ADAMTS19: variants seen among roughly 807,000 people sequenced by gnomAD.
The protein encoded by ADAMTS19 is ADAM metallopeptidase with thrombospondin type 1 motif 19, also known as A disintegrin and metalloproteinase with thrombospondin motifs 19.
ADAMTS19 carries 93 observed loss-of-function variants against 153.3 expected under a neutral mutation model. The observed-to-expected ratio is 0.61, with a 90% CI of 0.51 to 0.72. The LOEUF (loss-of-function observed/expected upper bound fraction) is 0.72, where lower values mean the gene tolerates loss of function less well. Ranked by LOEUF, ADAMTS19 falls within the 30% of genes least tolerant of loss-of-function variation. ADAMTS19 has a pLI of 0.00. For missense variants in ADAMTS19, 1,482 were observed against 1,552.1 expected (o/e 0.95, Z 0.76); for synonymous variants, 600 against 556.6 (o/e 1.08, Z -1.10).
At chr5:129,535,224 T>C (rs1482035048) in intron 6 of ADAMTS19, among the ~76,000 whole-genome samples, 1 of 152,154 alleles carries the variant, frequency 6.6e-6, no homozygotes, top group Non-Finnish European at 1.5e-5. Context: ...ATTCTCAGGA[T>C]ACAAAATCAA....
rs866047408 is a variant in ADAMTS19, at chr5:129,523,646, G to A, written c.914-2638G>A. On this transcript the variant is annotated intron_variant, in intron 3 of 22. Transcript: ENST00000274487. ...TTATTGAAGCACCATGTGCATACAG[G>A]AAATTGCAGAAACAGTATGTTCAAC... is the stretch of plus-strand genomic sequence containing the variant. Among the ~76,000 whole-genome samples the A allele has an allele frequency of 2.0e-5, 3 of 152,132 alleles. 1 individual carries two copies. In the South Asian group the frequency reaches 6.2e-4, roughly 31 times the overall value.
intron 21 of ADAMTS19, among the ~76,000 whole-genome samples, chr5:129,720,146 A>T (rs1227460949): frequency 5.0e-5 from 6 of 119,264 alleles, no homozygotes; most frequent in Non-Finnish European, 8.4e-5. Context: ...GTATGTGTGT[A>T]TGTATATATA....
intron 6 of ADAMTS19, among the ~76,000 whole-genome samples, chr5:129,533,603 G>A (rs1752294496): frequency 6.6e-6 from 1 of 152,096 alleles, no homozygotes; most frequent in Middle Eastern, 3.4e-3. Context: ...CTTCAGTTCT[G>A]CTCTGATCTT....
chr5:129,663,661 C>T (rs1255158126), intron 15 of ADAMTS19, among the ~76,000 whole-genome samples: 1 of 152,150 alleles, frequency 6.6e-6, no homozygotes, highest in Non-Finnish European at 1.5e-5. Flanking sequence ...CTGGATTTTA[C>T]CATTAGTGTC....
At chr5:129,661,731 A>T (rs547619745) in intron 15 of ADAMTS19, among the ~76,000 whole-genome samples, 3 of 152,204 alleles carry the variant, frequency 2.0e-5, no homozygotes, top group Non-Finnish European at 4.4e-5. Flanking sequence ...GGCAAATTAC[A>T]TATTGGCCAG....
In ADAMTS19 at chr5:129,648,774, G is replaced by A; in HGVS notation, c.2004-24G>A. On this transcript the variant is annotated intron_variant, in intron 12 of 22. Coordinates refer to ENST00000274487, the MANE Select transcript of ADAMTS19 (RefSeq NM_133638.6). ...TAGTTAACATAAAAAACATAAAATTGATTATTTGTACTTTCTTTTCTAGGC... is the reference window on the plus strand; with the variant it reads ...TAGTTAACATAAAAAACATAAAATTAATTATTTGTACTTTCTTTTCTAGGC... 5 of 1,602,610 alleles carry A rather than the reference G, an allele frequency of 3.1e-6. No individual in the cohort carries two copies. In the South Asian group the frequency reaches 3.4e-5, roughly 11 times the overall value.
At chr5:129,683,979 G>C in intron 17 of ADAMTS19, 141 bp from the exon 18 acceptor site, 1 of 803,908 alleles carries the variant, frequency 1.2e-6, no homozygotes, top group Non-Finnish European at 1.9e-6. Context: ...TAAGAGAAGG[G>C]TATGTCCACA....
At chr5:129,480,864 A>G (rs892342758) in intron 2 of ADAMTS19, among the ~76,000 whole-genome samples, 2 of 152,140 alleles carry the variant, frequency 1.3e-5, no homozygotes, top group Non-Finnish European at 2.9e-5. Flanking sequence ...ATTTTATTCT[A>G]TTTGTATGAG....
chr5:129,553,810 A>G (rs149733048), intron 7 of ADAMTS19, among the ~76,000 whole-genome samples: 1 of 152,126 alleles, frequency 6.6e-6, no homozygotes, highest in Non-Finnish European at 1.5e-5. Context: ...AACCAAGTCA[A>G]ATTAATCTGT....
chr5:129,587,970 G>A (rs1749905713), intron 7 of ADAMTS19, among the ~76,000 whole-genome samples: 2 of 151,742 alleles, frequency 1.3e-5, no homozygotes, highest in South Asian at 4.2e-4. Context: ...CCTATTTTTA[G>A]GATTTAAAAA....
rs59614056 is a variant in ADAMTS19, at chr5:129,702,941, AATATAT to A, written c.3160-1272_3160-1267del. ...TAGTTTGACTTGCCAAAAAAAAAAA[AATATAT>A]ATATATATATATATATATATATATA... is the stretch of plus-strand genomic sequence containing the variant. On this transcript the variant is annotated intron_variant, in intron 20 of 22. Coordinates refer to ENST00000274487, the MANE Select transcript of ADAMTS19 (RefSeq NM_133638.6). Among the ~76,000 whole-genome samples, 120 of 29,028 alleles carry A rather than the reference AATATAT, an allele frequency of 4.1e-3. 1 individual carries two copies. The highest frequency in any genetic ancestry group is 0.01 in the South Asian group (9 of 890). 19.0% of individuals were successfully genotyped at this position (29,028 alleles called of 152,430 possible).
intron 6 of ADAMTS19, among the ~76,000 whole-genome samples, chr5:129,536,846 G>A (rs1752451604): frequency 6.6e-6 from 1 of 151,566 alleles, no homozygotes. Context: ...ACTCATAGGT[G>A]GGAATTGAAC....
At chr5:129,615,603 A>G (rs1490273509) in intron 8 of ADAMTS19, among the ~76,000 whole-genome samples, 3 of 152,010 alleles carry the variant, frequency 2.0e-5, no homozygotes, top group African/African-American at 4.8e-5. Flanking sequence ...AAGTTTTTGC[A>G]TAGGAAACTA....
At chr5:129,558,089 T>A (rs983051738) in intron 7 of ADAMTS19, among the ~76,000 whole-genome samples, 1 of 80,492 alleles carries the variant, frequency 1.2e-5, no homozygotes, top group African/African-American at 4.6e-5. Flanking sequence ...AGGAACTTTA[T>A]TAACCAGTAG....
chr5:129,530,578 T>C (rs1752166091), intron 6 of ADAMTS19, among the ~76,000 whole-genome samples: 1 of 152,150 alleles, frequency 6.6e-6, no homozygotes, highest in Non-Finnish European at 1.5e-5. Flanking sequence ...ACATTTCTAA[T>C]GTATTGAAAG....
intron 21 of ADAMTS19, among the ~76,000 whole-genome samples, chr5:129,714,207 C>T (rs1756608263): frequency 6.6e-6 from 1 of 151,480 alleles, no homozygotes; most frequent in African/African-American, 2.4e-5. Flanking sequence ...ATCATGAGGT[C>T]AGGAGATCGA....
intron 21 of ADAMTS19, among the ~76,000 whole-genome samples, chr5:129,731,601 C>T (rs923673660): frequency 5.3e-5 from 8 of 152,072 alleles, no homozygotes; most frequent in Admixed American, 2.6e-4. Context: ...TACAATAGTA[C>T]ATTAGATTTG....
intron 7 of ADAMTS19, among the ~76,000 whole-genome samples, chr5:129,563,117 A>T (rs1426457334): frequency 1.3e-5 from 2 of 152,174 alleles, no homozygotes; most frequent in African/African-American, 2.4e-5. Flanking sequence ...TACATTCTTC[A>T]TACCACATTT....
At chr5:129,578,703 G>C (rs1749334757) in intron 7 of ADAMTS19, among the ~76,000 whole-genome samples, 1 of 151,900 alleles carries the variant, frequency 6.6e-6, no homozygotes, top group African/African-American at 2.4e-5. Flanking sequence ...TTGGATTTCT[G>C]TTCCTGTGTT....
Sources: gnomAD v4.1 joint callset for allele counts (sites outside exome capture counted in the v4.1 genomes callset) on GRCh38, gnomAD v4.1.1 for gene constraint, MANE v1.5 for transcripts, NCBI Gene and HGNC (gene_info 2026-07-23, HGNC 2026-07-21) for gene names.